SHTN1: variants seen among roughly 807,000 people sequenced by gnomAD.
SHTN1 encodes the protein shootin 1, also known as shootin-1.
A neutral mutation model predicts 83.1 loss-of-function variants in SHTN1; 42 were observed. That is an observed-to-expected ratio of 0.51 (90% CI 0.39 to 0.65). The LOEUF (loss-of-function observed/expected upper bound fraction) is 0.65. SHTN1 is among the 30% of genes least tolerant of loss of function. The pLI, the probability that SHTN1 is intolerant of heterozygous loss-of-function variation, is 0.00. For synonymous variants in SHTN1, 224 were observed against 247.7 expected, an observed-to-expected ratio of 0.90 and a Z score of 0.90; for missense variants, 622 against 737.8, an observed-to-expected ratio of 0.84 and a Z score of 1.82.
chr10:117,035,153 C>T (rs535743676), intron 2 of SHTN1, among the ~76,000 whole-genome samples: 1 of 152,222 alleles, frequency 6.6e-6, no homozygotes, highest in African/African-American at 2.4e-5. Context: ...ACCATTGGTA[C>T]AGGATAGAGA....
intron 1 of SHTN1, among the ~76,000 whole-genome samples, chr10:116,998,420 T>TGAGA (rs375326690): frequency 1.3e-5 from 2 of 150,904 alleles, no homozygotes; most frequent in African/African-American, 2.4e-5. Context: ...CAAGATATTT[T>TGAGA]GAGAGAGAGA....
In SHTN1 at chr10:116,964,710, C is replaced by T. The variant is rs533563501; in HGVS notation, c.172+3942G>A. 1.3e-4 allele frequency among the ~76,000 whole-genome samples: 20 copies of T among 152,286 alleles called. No homozygotes were observed. The East Asian group carries it at 2.1e-3, about 16-fold the overall frequency. ...GAAAAGACATGAAAGGGGCTGGGCGCGGTGGCTCATGCCTGTAATCCCAGC... is the reference window on the plus strand; with the variant it reads ...GAAAAGACATGAAAGGGGCTGGGCGTGGTGGCTCATGCCTGTAATCCCAGC... On this transcript the variant is annotated intron_variant, in intron 3 of 16. Transcript: ENST00000355371.
chr10:116,921,433 C>G lies in SHTN1; in HGVS notation c.1195+1G>C. The G allele has an allele frequency of 1.2e-6, 2 of 1,611,154 alleles. No homozygotes were observed. Among genetic ancestry groups the G allele is most frequent in the Non-Finnish European group, 1.7e-6 (2 of 1,177,662 alleles). ...CTTACACCAATAGAAGTGATGCTTA[C>G]TTGTTTCTGGTTGAGTTGCCTTTTC... On this transcript the variant is annotated splice_donor_variant, in intron 12 of 16. Coordinates refer to ENST00000355371, the MANE Select transcript of SHTN1 (RefSeq NM_001127211.3). LOFTEE classifies it high-confidence loss of function.
chr10:116,910,887 A>G (rs1036190473), intron 14 of SHTN1, among the ~76,000 whole-genome samples: 3 of 152,262 alleles, frequency 2.0e-5, no homozygotes. Flanking sequence ...ACTTAAAACT[A>G]AAGCAAACTA....
At chr10:116,937,605 C>A (rs1849222724) in intron 9 of SHTN1, among the ~76,000 whole-genome samples, 1 of 152,130 alleles carries the variant, frequency 6.6e-6, no homozygotes, top group African/African-American at 2.4e-5. Flanking sequence ...TTTTTTCCTT[C>A]ATTTCAACCT....
At chr10:116,919,131 T>C (rs1406669331) in intron 12 of SHTN1, among the ~76,000 whole-genome samples, 1 of 152,222 alleles carries the variant, frequency 6.6e-6, no homozygotes, top group African/African-American at 2.4e-5. Flanking sequence ...CCAGTCACTA[T>C]GTTATAAATG....
rs200405533 is a variant in SHTN1, at chr10:117,051,720, TA to T, written c.-188-3211del. On this transcript the variant is annotated intron_variant, in intron 1 of 17. Transcript: ENST00000392901. Reference sequence around the variant, plus strand: ...GACAAAACCCAACACCCTTTCATGATAAAAAAAAAAATTCACTATTCTAGTG... The same window carrying T: ...GACAAAACCCAACACCCTTTCATGATAAAAAAAAAATTCACTATTCTAGTG... 1.1e-3 allele frequency among the ~76,000 whole-genome samples: 161 copies of T among 142,678 alleles called. 3 individuals are homozygous for T. In the South Asian group the frequency reaches 0.025, roughly 22 times the overall value. The allele number at this position is 142,678 out of a possible 152,430, so 93.6% of individuals were successfully genotyped here. A position where few individuals can be genotyped will look rare whatever the true frequency, so the allele number is the denominator to read the frequency against.
chr10:116,945,771 G>A (rs1475458735), intron 7 of SHTN1, among the ~76,000 whole-genome samples: 2 of 152,152 alleles, frequency 1.3e-5, no homozygotes, highest in Non-Finnish European at 2.9e-5. Flanking sequence ...CAGATGACAT[G>A]TCTAACATTT....
At chr10:116,896,164 C>T (rs771598003) in intron 16 of SHTN1, among the ~76,000 whole-genome samples, 8 of 152,008 alleles carry the variant, frequency 5.3e-5, no homozygotes, top group Non-Finnish European at 1.0e-4. Flanking sequence ...GCATTTCCCC[C>T]GAAAATGCTT....
intron 7 of SHTN1, among the ~76,000 whole-genome samples, chr10:116,945,356 A>T (rs888999578): frequency 6.6e-6 from 1 of 152,236 alleles, no homozygotes; most frequent in Non-Finnish European, 1.5e-5. Context: ...ACACAGAAGA[A>T]TGAGTAAATT....
At position 117,073,826 on chromosome 10, in the gene SHTN1, A is replaced by G. The variant is rs1414578773; in HGVS notation, c.-188-25316T>C. On this transcript the variant is annotated intron_variant, in intron 1 of 17. Transcript: ENST00000392901. ...CTTTGCCCCTCTGCCAGTTCAATGG[A>G]TGGCTTTTGCATCTTGTCATGGTCC... 4.6e-5 allele frequency among the ~76,000 whole-genome samples: 7 copies of G among 152,156 alleles called. No homozygotes were observed. In the East Asian group the frequency reaches 1.4e-3, roughly 29 times the overall value.
intron 2 of SHTN1, among the ~76,000 whole-genome samples, chr10:117,019,913 G>A (rs1852234994): frequency 6.6e-6 from 1 of 151,994 alleles, no homozygotes; most frequent in Non-Finnish European, 1.5e-5. Flanking sequence ...GATATACCAT[G>A]CCCAGTATAT....
rs1464394108 is a variant in SHTN1, at chr10:116,949,064, T to G, written c.535-67A>C. 2.0e-5 allele frequency: 28 copies of G among 1,393,176 alleles called. No homozygotes were observed. The East Asian group carries it at 7.6e-4, about 38-fold the overall frequency. 86.3% of individuals were successfully genotyped at this position (1,393,176 alleles called of 1,614,324 possible). A position where few individuals can be genotyped will look rare whatever the true frequency, so the allele number is the denominator to read the frequency against. On this transcript the variant is annotated intron_variant, in intron 6 of 16. Transcript: ENST00000355371. ...GTAAAACAGGACATATGGCAATGTG[T>G]GATACTCAATTGCTGTTCAACTTTC...
intron 1 of SHTN1, among the ~76,000 whole-genome samples, chr10:117,117,247 A>G (rs945524042): frequency 6.6e-6 from 1 of 152,222 alleles, no homozygotes; most frequent in African/African-American, 2.4e-5. Context: ...AATCAATAGC[A>G]TTAATATGCA....
intron 2 of SHTN1, among the ~76,000 whole-genome samples, chr10:117,026,105 G>C (rs1326941713): frequency 1.3e-5 from 2 of 151,772 alleles, no homozygotes; most frequent in East Asian, 3.9e-4. Flanking sequence ...AGAGCACCAA[G>C]TAGGCTCCTG....
chr10:116,952,005 T>C lies in SHTN1; in HGVS notation c.438A>G (p.Glu146=). The C allele has an allele frequency of 1.4e-6, 2 of 1,474,520 alleles. No individual in the cohort carries two copies. Among genetic ancestry groups the C allele is most frequent in the Non-Finnish European group, 9.1e-7 (1 of 1,102,512 alleles). 91.3% of individuals were successfully genotyped at this position (1,474,520 alleles called of 1,614,324 possible). The change falls in exon 6 of 17, where the codon GAA becomes GAG. Residue 146 remains glutamate, a splice_region_variant and synonymous_variant. Coordinates refer to ENST00000355371, the MANE Select transcript of SHTN1 (RefSeq NM_001127211.3). ...VSVQCQKQIK[E]LRDQIVSVQE... ...GAACAGATACAATTTGATCTCGAAG[T>C]TCTGCATTTTTAAAGAAAAAAAATA...
chr10:116,974,758 C>G (rs1435615806), intron 2 of SHTN1, among the ~76,000 whole-genome samples: 1 of 151,958 alleles, frequency 6.6e-6, no homozygotes, highest in Non-Finnish European at 1.5e-5. Context: ...GCACACTCCA[C>G]ACACACCCCC....
intron 1 of SHTN1, among the ~76,000 whole-genome samples, chr10:117,053,609 G>A (rs1251616791): frequency 6.6e-6 from 1 of 152,164 alleles, no homozygotes; most frequent in Non-Finnish European, 1.5e-5. Flanking sequence ...AAAATGGGAA[G>A]TGTTGGCAAG....
chr10:116,968,186 A>G (rs1302712112), intron 3 of SHTN1, among the ~76,000 whole-genome samples: 2 of 152,140 alleles, frequency 1.3e-5, no homozygotes, highest in East Asian at 3.8e-4. Flanking sequence ...ATCTCAAAAA[A>G]ACAAACAAAC....
Sources: allele counts gnomAD v4.1 joint callset (sites outside exome capture counted in the v4.1 genomes callset), GRCh38; gene constraint gnomAD v4.1.1; transcripts MANE v1.5; gene names NCBI Gene and HGNC (gene_info 2026-07-23, HGNC 2026-07-21).